CPNE8: variants seen among roughly 807,000 people sequenced by gnomAD.
CPNE8 encodes copine-8.
Under a neutral mutation model 81.5 loss-of-function variants are expected in CPNE8, and 45 were observed. The observed-to-expected ratio is 0.55, with a 90% CI of 0.44 to 0.71. CPNE8 has a LOEUF of 0.71. CPNE8 is among the 30% of genes least tolerant of loss of function. The pLI, the probability that CPNE8 is intolerant of heterozygous loss-of-function variation, is 0.00. For missense variants in CPNE8, 594 were observed against 672.1 expected (o/e 0.88, Z 1.28); for synonymous variants, 252 against 226.3 (o/e 1.11, Z -1.02).
chr12:38,727,421 T>C (rs1219065524), intron 11 of CPNE8, among the ~76,000 whole-genome samples: 2 of 152,184 alleles, frequency 1.3e-5, no homozygotes, highest in South Asian at 2.1e-4. Context: ...ACAATGTATA[T>C]ATGTATTGAA....
At chr12:38,847,215 A>T (rs1379862395) in intron 4 of CPNE8, among the ~76,000 whole-genome samples, 1 of 152,142 alleles carries the variant, frequency 6.6e-6, no homozygotes, top group Non-Finnish European at 1.5e-5. Context: ...ATGCAGATGA[A>T]TGAGAAAGGA....
chr12:38,776,308 C>T lies in CPNE8; in HGVS notation c.408-7G>A, dbSNP rs898755983. On this transcript the variant is annotated splice_polypyrimidine_tract_variant and splice_region_variant and intron_variant, in intron 6 of 19. Coordinates refer to ENST00000331366, the MANE Select transcript of CPNE8 (RefSeq NM_153634.3). The stretch of plus-strand genomic sequence containing the variant: ...TTTCTTCCCTGGAATTCCTCTAAAA[C>T]AACAAAAATATATTTATATACATTA... 1.7e-5 allele frequency: 24 copies of T among 1,381,712 alleles called. No homozygotes were observed. In the African/African-American group the frequency reaches 3.1e-4, roughly 18 times the overall value. The allele number at this position is 1,381,712 out of a possible 1,614,324, so 85.6% of individuals were successfully genotyped here.
rs184320159 is a variant in CPNE8, at chr12:38,739,014, T to C, written c.723-8656A>G. 5.1e-3 allele frequency among the ~76,000 whole-genome samples: 772 copies of C among 152,080 alleles called. 9 individuals are homozygous for C. Among genetic ancestry groups the C allele is most frequent in the African/African-American group, 0.017 (709 of 41,500 alleles). On this transcript the variant is annotated intron_variant, in intron 10 of 19. Coordinates refer to ENST00000331366, the MANE Select transcript of CPNE8 (RefSeq NM_153634.3). ...TTTTCGTAGAGATGGGGTTTCACCA[T>C]GTGGGCCAGGCTGGTGTCAAACTCC...
Position 38,749,352 on chromosome 12 carries a change from G to A in CPNE8, c.722+11495C>T, listed in dbSNP as rs555260895. Among the ~76,000 whole-genome samples, 5 of 152,178 alleles carry A rather than the reference G, an allele frequency of 3.3e-5. No individual in the cohort carries two copies. In the South Asian group the frequency reaches 8.3e-4, roughly 25 times the overall value. ...TCAGGTATGTCTTTATCAGCAGCCT[G>A]AAAACAGGCTAATACACTAAATTGG... is the stretch of plus-strand genomic sequence containing the variant. On this transcript the variant is annotated intron_variant, in intron 10 of 19. Coordinates refer to ENST00000331366, the MANE Select transcript of CPNE8 (RefSeq NM_153634.3).
chr12:38,831,523 G>A (rs995138740), intron 5 of CPNE8, among the ~76,000 whole-genome samples: 1 of 152,102 alleles, frequency 6.6e-6, no homozygotes, highest in Non-Finnish European at 1.5e-5. Context: ...TTGCACATGA[G>A]ACAAAAAATA....
rs188868399 is a variant in CPNE8 at position 38,880,563 on chromosome 12, G to A, written c.99-6052C>T. Reference sequence around the variant, plus strand: ...ACTGAGCCCCGTGTCACTGAACCATGCCCACGGCCTTTATTTAGGGCATTA... The same window carrying A: ...ACTGAGCCCCGTGTCACTGAACCATACCCACGGCCTTTATTTAGGGCATTA... On this transcript the variant is annotated intron_variant, in intron 1 of 19. Transcript: ENST00000331366. Among the ~76,000 whole-genome samples the A allele has an allele frequency of 2.1e-4, 32 of 152,210 alleles. No individual in the cohort carries two copies. In the East Asian group the frequency reaches 5.2e-3, roughly 25 times the overall value.
Position 38,749,028 on chromosome 12 carries a change from C to T in CPNE8, c.722+11819G>A, listed in dbSNP as rs566037044. On this transcript the variant is annotated intron_variant, in intron 10 of 19. Transcript: ENST00000331366. ...ACATGGTTTGGCTCTGTGTCCCCAC[C>T]CAAATCTCATCTTGTAGCTCCCATA... Among the ~76,000 whole-genome samples, 19 of 152,020 alleles carry T rather than the reference C, an allele frequency of 1.2e-4. No homozygotes were observed. The South Asian group carries it at 4.0e-3, about 32-fold the overall frequency.
intron 6 of CPNE8, among the ~76,000 whole-genome samples, chr12:38,797,323 C>A (rs1485995166): frequency 6.6e-6 from 1 of 152,164 alleles, no homozygotes; most frequent in Non-Finnish European, 1.5e-5. Context: ...TGACACCTCA[C>A]ACGGCCAGGT....
Position 38,880,866 on chromosome 12 carries a change from T to G in CPNE8, c.99-6355A>C, listed in dbSNP as rs1944143191. ...AAATATTTTTCCCAAAACTACAATT[T>G]CTATAGCAAGGGGAGCCAAACTGTG... On this transcript the variant is annotated intron_variant, in intron 1 of 19. Coordinates refer to ENST00000331366, the MANE Select transcript of CPNE8 (RefSeq NM_153634.3). Among the ~76,000 whole-genome samples the G allele has an allele frequency of 3.3e-5, 5 of 152,044 alleles. No homozygotes were observed. In the South Asian group the frequency reaches 6.3e-4, roughly 19 times the overall value.
intron 6 of CPNE8, among the ~76,000 whole-genome samples, chr12:38,796,404 T>C (rs1045458180): frequency 6.6e-6 from 1 of 152,040 alleles, no homozygotes; most frequent in African/African-American, 2.4e-5. Flanking sequence ...GTCATAAAAG[T>C]AAAAATGATA....
chr12:38,769,866 T>C (rs1038843469), intron 7 of CPNE8, among the ~76,000 whole-genome samples: 1 of 152,134 alleles, frequency 6.6e-6, no homozygotes. Flanking sequence ...TGATTCAAAA[T>C]AAAGATTTAT....
chr12:38,722,397 T>C (rs1940588454), intron 13 of CPNE8, among the ~76,000 whole-genome samples: 1 of 152,160 alleles, frequency 6.6e-6, no homozygotes, highest in Non-Finnish European at 1.5e-5. Context: ...GTAGGTATTT[T>C]GCTTGTTTGT....
chr12:38,809,247 G>T (rs1157187126), intron 6 of CPNE8, among the ~76,000 whole-genome samples: 1 of 152,154 alleles, frequency 6.6e-6, no homozygotes, highest in South Asian at 2.1e-4. Context: ...CGGCCAGCTT[G>T]TGTTCTTATC....
intron 19 of CPNE8, among the ~76,000 whole-genome samples, chr12:38,661,556 T>C (rs1321960863): frequency 1.3e-5 from 2 of 152,074 alleles, no homozygotes; most frequent in South Asian, 2.1e-4. Flanking sequence ...TATATACCTA[T>C]GTAACAAACC....
At chr12:38,777,777 G>T (rs557705770) in intron 6 of CPNE8, among the ~76,000 whole-genome samples, 1 of 152,120 alleles carries the variant, frequency 6.6e-6, no homozygotes, top group South Asian at 2.1e-4. Flanking sequence ...GCTAGACCAG[G>T]GGTCTGCAAC....
At chr12:38,863,332 T>C (rs906222459) in intron 3 of CPNE8, among the ~76,000 whole-genome samples, 6 of 152,210 alleles carry the variant, frequency 3.9e-5, no homozygotes, top group Non-Finnish European at 7.3e-5. Context: ...AATCTGATAT[T>C]AAAACCTCCT....
chr12:38,734,383 G>A (rs1360068476), intron 10 of CPNE8, among the ~76,000 whole-genome samples: 1 of 152,004 alleles, frequency 6.6e-6, no homozygotes, highest in African/African-American at 2.4e-5. Context: ...ATAACTCTGA[G>A]AGTAATGCAG....
At chr12:38,847,627 G>A (rs11169801) in intron 4 of CPNE8, among the ~76,000 whole-genome samples, 36,365 of 151,980 alleles carry the variant, frequency 0.24, 5,483 homozygotes, top group Non-Finnish European at 0.33. Flanking sequence ...AAAGAAGCTA[G>A]TATAAGATCT....
At chr12:38,839,892 A>T in intron 5 of CPNE8, 24 bp downstream of exon 5, 1 of 1,546,442 alleles carries the variant, frequency 6.5e-7, no homozygotes. Context: ...ATAATGTTAT[A>T]AAAACATAAA....
Sources: allele counts gnomAD v4.1 joint callset (sites outside exome capture counted in the v4.1 genomes callset), GRCh38; gene constraint gnomAD v4.1.1; transcripts MANE v1.5; gene names NCBI Gene and HGNC (gene_info 2026-07-23, HGNC 2026-07-21).